Variants in TRHDE observed in about 807,000 individuals in gnomAD.
The protein encoded by TRHDE is thyrotropin releasing hormone degrading enzyme, also known as thyrotropin-releasing hormone-degrading ectoenzyme.
In TRHDE, 72 loss-of-function variants were observed where a neutral mutation model predicts 125.7. The observed-to-expected ratio is 0.57, with a 90% CI of 0.47 to 0.70. The LOEUF is 0.70. Among genes scored for constraint, TRHDE ranks in the 30% least tolerant of loss-of-function variants. The probability of loss-of-function intolerance (pLI) is 0.00; values close to 1 mark genes in which losing one functional copy is unlikely to be tolerated. For missense variants in TRHDE, 1,110 were observed against 1,327.1 expected, an observed-to-expected ratio of 0.84 and a Z score of 2.54; for synonymous variants, 509 against 509.1, an observed-to-expected ratio of 1.00 and a Z score of 0.00.
At position 72,619,158 on chromosome 12, in the gene TRHDE, C is replaced by G. The variant is rs558007139; in HGVS notation, c.2469+120C>G. On this transcript the variant is annotated intron_variant, in intron 13 of 18. Coordinates refer to ENST00000261180, the MANE Select transcript of TRHDE (RefSeq NM_013381.3). Reference sequence around the variant, plus strand: ...AGTTTGTTCTTCTAGTTTGTGTTATCCCGATTTTTGTCCTGATTGTCTATG... The same window carrying G: ...AGTTTGTTCTTCTAGTTTGTGTTATGCCGATTTTTGTCCTGATTGTCTATG... The G allele has an allele frequency of 5.2e-6, 4 of 765,278 alleles. No individual in the cohort carries two copies. The African/African-American group carries it at 7.3e-5, about 14-fold the overall frequency. The allele number at this position is 765,278 out of a possible 1,614,324, so 47.4% of individuals were successfully genotyped here.
chr12:72,506,140 C>T (rs990891812), intron 6 of TRHDE, among the ~76,000 whole-genome samples: 2 of 152,112 alleles, frequency 1.3e-5, no homozygotes, highest in South Asian at 2.1e-4. Flanking sequence ...CTCTACAAAA[C>T]ATTCAAACAT....
At chr12:72,187,446 GGGT>G (rs971743256) in intron 2 of TRHDE, among the ~76,000 whole-genome samples, 13 of 148,726 alleles carry the variant, frequency 8.7e-5, no homozygotes, top group African/African-American at 2.5e-4. Flanking sequence ...GAGGTGGGGG[GGGT>G]GGTGGTGGTG....
intron 3 of TRHDE, among the ~76,000 whole-genome samples, chr12:72,456,768 G>A (rs942156520): frequency 4.6e-5 from 7 of 152,086 alleles, no homozygotes; most frequent in Non-Finnish European, 1.0e-4. Flanking sequence ...TACAATTTAG[G>A]AGTATAACTT....
chr12:72,628,505 A>C (rs939912213), intron 15 of TRHDE, among the ~76,000 whole-genome samples: 3 of 151,960 alleles, frequency 2.0e-5, no homozygotes, highest in African/African-American at 2.4e-5. Flanking sequence ...ATCCTCTAAA[A>C]ATTTTGCAAG....
At chr12:72,585,186 T>A (rs1389257464) in intron 12 of TRHDE, among the ~76,000 whole-genome samples, 2 of 152,180 alleles carry the variant, frequency 1.3e-5, no homozygotes, top group East Asian at 3.9e-4. Context: ...CATTTTTAAT[T>A]TTATTAAAAT....
chr12:72,626,231 A>G (rs749218204), intron 15 of TRHDE, among the ~76,000 whole-genome samples: 3 of 151,986 alleles, frequency 2.0e-5, no homozygotes, highest in Non-Finnish European at 2.9e-5. Flanking sequence ...ATAACCTTGG[A>G]AAAGTCTTTT....
chr12:72,411,893 T>A (rs1873526918), intron 3 of TRHDE, among the ~76,000 whole-genome samples: 1 of 152,136 alleles, frequency 6.6e-6, no homozygotes, highest in Admixed American at 6.6e-5. Context: ...ACAAACTTTT[T>A]AATAAATAAT....
intron 2 of TRHDE, among the ~76,000 whole-genome samples, chr12:72,343,378 T>C (rs1047076351): frequency 6.6e-6 from 1 of 152,138 alleles, no homozygotes; most frequent in African/African-American, 2.4e-5. Flanking sequence ...CTGTGAATGC[T>C]ATATTTTCAA....
chr12:72,518,681 T>C (rs1879012371), intron 6 of TRHDE, among the ~76,000 whole-genome samples: 2 of 152,106 alleles, frequency 1.3e-5, no homozygotes, highest in Admixed American at 6.5e-5. Flanking sequence ...AATTTGATCC[T>C]GTCATTATGA....
intron 15 of TRHDE, among the ~76,000 whole-genome samples, chr12:72,650,471 T>C (rs558722387): frequency 6.6e-6 from 1 of 152,220 alleles, no homozygotes; most frequent in African/African-American, 2.4e-5. Context: ...CTTTTTTTTC[T>C]ATATTTCTAC....
chr12:72,397,965 C>T (rs1017714171), intron 3 of TRHDE, among the ~76,000 whole-genome samples: 2 of 150,146 alleles, frequency 1.3e-5, no homozygotes, highest in East Asian at 2.0e-4. Flanking sequence ...GTATATCTCC[C>T]AATGCTATCC....
intron 3 of TRHDE, among the ~76,000 whole-genome samples, chr12:72,386,112 G>A (rs1872403642): frequency 6.6e-6 from 1 of 152,032 alleles, no homozygotes. Flanking sequence ...TTTTTAATTT[G>A]TTTACTGCCC....
At chr12:72,488,479 A>C (rs1877513671) in intron 5 of TRHDE, among the ~76,000 whole-genome samples, 1 of 152,076 alleles carries the variant, frequency 6.6e-6, no homozygotes, top group African/African-American at 2.4e-5. Context: ...ATGTGTATGC[A>C]CCCAACACTG....
chr12:72,542,951 A>G (rs1243700893), intron 7 of TRHDE, among the ~76,000 whole-genome samples: 1 of 151,324 alleles, frequency 6.6e-6, no homozygotes. Flanking sequence ...AGATTATTAA[A>G]CTTCTTAAAG....
At chr12:72,518,009 A>G (rs548543830) in intron 6 of TRHDE, among the ~76,000 whole-genome samples, 144 of 148,628 alleles carry the variant, frequency 9.7e-4, no homozygotes, top group Non-Finnish European at 1.5e-3. Flanking sequence ...GGTCTGAGAG[A>G]TAGTTTGTTA....
At chr12:72,597,740 T>TGTATATAC (rs1872027249) in intron 12 of TRHDE, among the ~76,000 whole-genome samples, 3 of 8,358 alleles carry the variant, frequency 3.6e-4, no homozygotes, top group Non-Finnish European at 8.0e-4. Context: ...TATATATATA[T>TGTATATAC]ATATATATAT....
intron 3 of TRHDE, among the ~76,000 whole-genome samples, chr12:72,448,631 C>G (rs945618961): frequency 6.6e-6 from 1 of 151,710 alleles, no homozygotes; most frequent in African/African-American, 2.4e-5. Context: ...GTATTATGTT[C>G]TGAATTGTGA....
At chr12:72,224,086 CTATCCATCTATCTATCTATCT>C (rs1878056660) in intron 2 of TRHDE, among the ~76,000 whole-genome samples, 6 of 40,674 alleles carry the variant, frequency 1.5e-4, no homozygotes, top group African/African-American at 6.5e-4. Context: ...ATCCATCTAT[CTATCCATCTATCTATCTATCT>C]ATCTATCTAT....
chr12:72,325,682 A>G (rs755002531), intron 2 of TRHDE, among the ~76,000 whole-genome samples: 5 of 152,248 alleles, frequency 3.3e-5, no homozygotes, highest in Non-Finnish European at 5.9e-5. Flanking sequence ...TTATTAAGCC[A>G]TGTTTCTATG....
Sources: gnomAD v4.1 joint callset for allele counts (sites outside exome capture counted in the v4.1 genomes callset) on GRCh38, gnomAD v4.1.1 for gene constraint, MANE v1.5 for transcripts, NCBI Gene and HGNC (gene_info 2026-07-23, HGNC 2026-07-21) for gene names.